The following TCTN3 variants were observed in gnomAD, a reference collection of about 807,000 sequenced individuals.
TCTN3 encodes the protein tectonic family member 3.
A neutral mutation model predicts 71.3 loss-of-function variants in TCTN3; 57 were observed. The observed-to-expected ratio is 0.80, with a 90% CI of 0.65 to 1.00. The LOEUF is 1.00. Ranked by LOEUF, TCTN3 falls within the 50% of genes least tolerant of loss-of-function variation. The probability of loss-of-function intolerance (pLI) is 0.00; values close to 1 mark genes in which losing one functional copy is unlikely to be tolerated. For synonymous variants in TCTN3, 258 were observed against 267.8 expected, an observed-to-expected ratio of 0.96 and a Z score of 0.36; for missense variants, 696 against 719.9, an observed-to-expected ratio of 0.97 and a Z score of 0.38.
At chr10:95,672,927 A>G (rs1375242385) in intron 13 of TCTN3, among the ~76,000 whole-genome samples, 2 of 151,612 alleles carry the variant, frequency 1.3e-5, no homozygotes, top group Non-Finnish European at 2.9e-5. Flanking sequence ...TCTTGACCTC[A>G]AGTGATCCGC....
intron 13 of TCTN3, among the ~76,000 whole-genome samples, chr10:95,670,015 G>A (rs1473467802): frequency 1.5e-5 from 2 of 135,462 alleles, no homozygotes; most frequent in Non-Finnish European, 3.1e-5. Flanking sequence ...AGTGAGCCGA[G>A]ATTGCGCCAC....
Position 95,686,507 on chromosome 10 carries a change from T to G in TCTN3, c.876A>C (p.Pro292=), listed in dbSNP as rs2097948440. 2.5e-6 allele frequency: 4 copies of G among 1,614,156 alleles called. No individual in the cohort carries two copies. In the East Asian group the frequency reaches 8.9e-5, roughly 36 times the overall value. ...VLKVPRSMTD[P]QNMEFQVPVI... is the part of the protein sequence containing the mutation. ...AACAGCATCATACCTCCATATTCTG[T>G]GGATCAGTCATGCTTCTTGGAACCT... The change falls in exon 7 of 14, where the codon CCA becomes CCC. Residue 292 remains proline, a synonymous_variant. Coordinates refer to ENST00000371217, the MANE Select transcript of TCTN3 (RefSeq NM_015631.6).
rs778121804 is a variant in TCTN3 at position 95,682,620 on chromosome 10, T to A, written c.1452+31A>T. ...AGATTTACAAAGGGGTAAAAATGAG[T>A]CTTCATCAGAAAGTATATTTCTCTC... On this transcript the variant is annotated intron_variant, in intron 12 of 13. Transcript: ENST00000371217. The A allele has an allele frequency of 7.5e-6, 12 of 1,597,726 alleles. No homozygotes were observed. In the Admixed American group the frequency reaches 2.1e-4, roughly 28 times the overall value.
At chr10:95,682,014 T>G (rs2097943443) in intron 12 of TCTN3, among the ~76,000 whole-genome samples, 1 of 150,890 alleles carries the variant, frequency 6.6e-6, no homozygotes, top group African/African-American at 2.4e-5. Context: ...GACAACATAC[T>G]GAGACCTTGT....
At chr10:95,670,355 TTTTATTTTTA>T (rs1408604812) in intron 13 of TCTN3, among the ~76,000 whole-genome samples, 5 of 5,082 alleles carry the variant, frequency 9.8e-4, no homozygotes, top group Non-Finnish European at 3.0e-3. Context: ...TTTATTTTAT[TTTTATTTTTA>T]TTTATTTATT....
intron 13 of TCTN3, among the ~76,000 whole-genome samples, chr10:95,679,184 C>T (rs1030469154): frequency 6.6e-6 from 1 of 152,102 alleles, no homozygotes; most frequent in African/African-American, 2.4e-5. Context: ...CTAGAAAAAG[C>T]TATCAGTTAA....
At chr10:95,678,088 C>G (rs889866599) in intron 13 of TCTN3, among the ~76,000 whole-genome samples, 2 of 152,210 alleles carry the variant, frequency 1.3e-5, no homozygotes, top group Non-Finnish European at 2.9e-5. Flanking sequence ...TTATAAACTA[C>G]AAACTTTCAA....
chr10:95,688,960 A>T (rs576453433), intron 3 of TCTN3, among the ~76,000 whole-genome samples: 2 of 152,338 alleles, frequency 1.3e-5, no homozygotes, highest in African/African-American at 4.8e-5. Flanking sequence ...TCTTCATATA[A>T]GTAATGGTCA....
chr10:95,687,014 T>A (rs772327136), intron 6 of TCTN3, 30 bp downstream of exon 6: 2 of 1,539,816 alleles, frequency 1.3e-6, no homozygotes, highest in Non-Finnish European at 1.8e-6. Context: ...TTCATAGTAG[T>A]GACAGTGTAG....
intron 13 of TCTN3, among the ~76,000 whole-genome samples, chr10:95,670,559 G>T (rs2097930050): frequency 6.6e-6 from 1 of 151,548 alleles, no homozygotes; most frequent in Non-Finnish European, 1.5e-5. Flanking sequence ...GTAGAGATGG[G>T]GTTTTGCCAT....
chr10:95,676,646 A>G (rs1420999271), intron 13 of TCTN3, among the ~76,000 whole-genome samples: 1 of 152,130 alleles, frequency 6.6e-6, no homozygotes, highest in Non-Finnish European at 1.5e-5. Flanking sequence ...TATAAAATAT[A>G]TTTTCTTACC....
At chr10:95,684,369 G>A in intron 9 of TCTN3, 130 bp downstream of exon 9, 1 of 1,099,852 alleles carries the variant, frequency 9.1e-7, no homozygotes, top group Non-Finnish European at 1.3e-6. Context: ...AAATGTTGAG[G>A]CCTCAATCGA....
chr10:95,684,943 A>G (rs982791430), intron 8 of TCTN3, among the ~76,000 whole-genome samples: 1 of 152,196 alleles, frequency 6.6e-6, no homozygotes, highest in African/African-American at 2.4e-5. Context: ...TGAGCATGGA[A>G]CAGAAATCTG....
intron 13 of TCTN3, among the ~76,000 whole-genome samples, chr10:95,670,627 C>T (rs996651341): frequency 1.3e-5 from 2 of 151,880 alleles, no homozygotes; most frequent in African/African-American, 2.4e-5. Context: ...CTCCGCCTCC[C>T]AAAATGCTGG....
At chr10:95,676,615 G>A (rs2097937454) in intron 13 of TCTN3, among the ~76,000 whole-genome samples, 1 of 152,114 alleles carries the variant, frequency 6.6e-6, no homozygotes, top group Non-Finnish European at 1.5e-5. Context: ...ATGTACATGT[G>A]TGTTGCAAAC....
chr10:95,683,227 A>AT, intron 10 of TCTN3, 32 bp from the exon 11 acceptor site: 1 of 1,590,284 alleles, frequency 6.3e-7, no homozygotes, highest in Non-Finnish European at 8.6e-7. Context: ...CAAGGACATC[A>AT]TAACAGAAAA....
At chr10:95,671,612 T>C (rs7894648) in intron 13 of TCTN3, among the ~76,000 whole-genome samples, 54,388 of 152,194 alleles carry the variant, frequency 0.36, 10,339 homozygotes, top group East Asian at 0.7. Flanking sequence ...TGTAGCTGCA[T>C]TCAGACTATC....
chr10:95,672,715 T>C (rs1420482156), intron 13 of TCTN3, among the ~76,000 whole-genome samples: 4 of 140,804 alleles, frequency 2.8e-5, no homozygotes, highest in Non-Finnish European at 6.2e-5. Context: ...TTTTTTAAGA[T>C]GGAGTCTTGC....
At chr10:95,675,403 T>G (rs2139717308) in intron 13 of TCTN3, among the ~76,000 whole-genome samples, 1 of 152,218 alleles carries the variant, frequency 6.6e-6, no homozygotes, top group South Asian at 2.1e-4. Context: ...GTTATATATT[T>G]TAACATAGGA....
Sources: gnomAD v4.1 joint callset for allele counts (sites outside exome capture counted in the v4.1 genomes callset) on GRCh38, gnomAD v4.1.1 for gene constraint, MANE v1.5 for transcripts, NCBI Gene and HGNC (gene_info 2026-07-23, HGNC 2026-07-21) for gene names.